Variants in LIFR observed in about 807,000 individuals in gnomAD.
LIFR encodes LIF receptor subunit alpha, also known as leukemia inhibitory factor receptor.
LIFR carries 84 observed loss-of-function variants against 122.2 expected under a neutral mutation model. The observed-to-expected ratio is 0.69, with a 90% CI of 0.58 to 0.82. LIFR has a LOEUF of 0.82. Ranked by LOEUF, LIFR falls within the 40% of genes least tolerant of loss-of-function variation. LIFR has a pLI of 0.00. For synonymous variants in LIFR, 422 were observed against 434.7 expected, an observed-to-expected ratio of 0.97 and a Z score of 0.36; for missense variants, 1,294 against 1,311.6, an observed-to-expected ratio of 0.99 and a Z score of 0.21.
In LIFR at chr5:38,480,631, G is replaced by A. The variant is rs906590598; in HGVS notation, c.*964C>T. The stretch of plus-strand genomic sequence containing the variant: ...ACGGCATGGTCTCCTCAGGAGGAAC[G>A]AAATCCAATCAGAACTATATGGACA... On this transcript the variant is annotated 3_prime_UTR_variant, in exon 20 of 20. Coordinates refer to ENST00000453190, the MANE Select transcript of LIFR (RefSeq NM_001127671.2). 5 of 218,980 alleles carry A rather than the reference G, an allele frequency of 2.3e-5. No individual in the cohort carries two copies. The highest frequency in any genetic ancestry group is 1.1e-4 in the African/African-American group (5 of 44,580). The allele number at this position is 218,980 out of a possible 1,614,324, so 13.6% of individuals were successfully genotyped here. A position where few individuals can be genotyped will look rare whatever the true frequency, so the allele number is the denominator to read the frequency against.
chr5:38,531,209 T>A (rs1746990122), intron 1 of LIFR, among the ~76,000 whole-genome samples: 2 of 152,166 alleles, frequency 1.3e-5, no homozygotes. Context: ...ACATTGGACA[T>A]TTAGGGATCC....
At chr5:38,493,222 T>C (rs915944971) in intron 14 of LIFR, among the ~76,000 whole-genome samples, 9 of 152,228 alleles carry the variant, frequency 5.9e-5, no homozygotes, top group African/African-American at 2.2e-4. Context: ...GTTTTTTTTT[T>C]TCATGAACAT....
At chr5:38,578,173 A>C (rs1203654050) in intron 1 of LIFR, among the ~76,000 whole-genome samples, 1 of 133,276 alleles carries the variant, frequency 7.5e-6, no homozygotes. Context: ...ATATTCTTTT[A>C]TTTTCCTTTT....
At chr5:38,508,763 T>C (rs961153957) in intron 7 of LIFR, among the ~76,000 whole-genome samples, 1 of 151,828 alleles carries the variant, frequency 6.6e-6, no homozygotes, top group Non-Finnish European at 1.5e-5. Context: ...ATTTTCTTTT[T>C]TTAATAGAGA....
upstream of LIFR, among the ~76,000 whole-genome samples, chr5:38,559,979 A>T (rs928195028): frequency 2.6e-5 from 4 of 152,222 alleles, no homozygotes; most frequent in Non-Finnish European, 5.9e-5. Context: ...AAAGTTCTGG[A>T]AATGAAACGC....
At chr5:38,597,717 C>G (rs559123962), upstream of LIFR, among the ~76,000 whole-genome samples, 2 of 152,110 alleles carry the variant, frequency 1.3e-5, no homozygotes, top group East Asian at 3.9e-4. Flanking sequence ...GCTGGAGTGA[C>G]GGAGAGGGAA....
At chr5:38,580,138 G>C (rs1017608631) in intron 1 of LIFR, among the ~76,000 whole-genome samples, 3 of 152,182 alleles carry the variant, frequency 2.0e-5, no homozygotes, top group African/African-American at 7.2e-5. Context: ...TTCTATGAGA[G>C]TCATCATCAG....
chr5:38,573,531 A>G (rs929032582), intron 1 of LIFR, among the ~76,000 whole-genome samples: 1 of 152,210 alleles, frequency 6.6e-6, no homozygotes, highest in African/African-American at 2.4e-5. Flanking sequence ...CTAACTTAAT[A>G]TCAGAGCAAA....
At chr5:38,555,095 G>A (rs1390589044) in intron 1 of LIFR, 1 of 152,208 alleles carries the variant, frequency 6.6e-6, no homozygotes, top group Non-Finnish European at 1.5e-5. Flanking sequence ...TTTAAATTGA[G>A]CTTGCAACTA....
intron 1 of LIFR, among the ~76,000 whole-genome samples, chr5:38,570,155 A>T (rs1302049183): frequency 2.0e-5 from 3 of 151,448 alleles, no homozygotes; most frequent in African/African-American, 4.8e-5. Context: ...CTGTAAAATG[A>T]AGATAATAAT....
At position 38,488,522 on chromosome 5, in the gene LIFR, T is replaced by C. The variant is rs565368061; in HGVS notation, c.2335+556A>G. Among the ~76,000 whole-genome samples, 13 of 152,360 alleles carry C rather than the reference T, an allele frequency of 8.5e-5. 2 individuals are homozygous for C. Among genetic ancestry groups the C allele is most frequent in the African/African-American group, 2.6e-4 (11 of 41,572 alleles). On this transcript the variant is annotated intron_variant, in intron 16 of 19. Coordinates refer to ENST00000453190, the MANE Select transcript of LIFR (RefSeq NM_001127671.2). The stretch of plus-strand genomic sequence containing the variant: ...GCCAGAAATCTGTACAATTTTGTAT[T>C]TGTAAATCTGAGAATTCTCTAAAGT...
At chr5:38,602,129 G>A (rs1750233219) in intron 2 of LIFR, among the ~76,000 whole-genome samples, 1 of 152,010 alleles carries the variant, frequency 6.6e-6, no homozygotes, top group African/African-American at 2.4e-5. Context: ...AGTCACTTGT[G>A]TCCAGTTTCA....
At position 38,479,508 on chromosome 5, in the gene LIFR, T is replaced by A. The variant is rs970660528; in HGVS notation, c.*2087A>T. 1 of 231,098 alleles carries A rather than the reference T, an allele frequency of 4.3e-6. No homozygotes were observed. Among genetic ancestry groups the A allele is most frequent in the Non-Finnish European group, 8.6e-6 (1 of 116,762 alleles). 14.3% of individuals were successfully genotyped at this position (231,098 alleles called of 1,614,324 possible). On this transcript the variant is annotated 3_prime_UTR_variant, in exon 20 of 20. Transcript: ENST00000453190. ...TCCAGATGGTCACAGTTGAAATGCATATATATTGACAGACAGAGATCAAAC... is the reference window on the plus strand; with the variant it reads ...TCCAGATGGTCACAGTTGAAATGCAAATATATTGACAGACAGAGATCAAAC...
upstream of LIFR, among the ~76,000 whole-genome samples, chr5:38,596,866 G>C (rs575654920): frequency 2.0e-4 from 30 of 152,046 alleles, no homozygotes; most frequent in African/African-American, 7.2e-4. Context: ...GCTTCAAAAT[G>C]CAAAATCAGC....
intron 1 of LIFR, among the ~76,000 whole-genome samples, chr5:38,578,201 CTTTTTCTTTTTTTTT>C (rs1243280589): frequency 0.013 from 998 of 76,696 alleles, 15 homozygotes; most frequent in African/African-American, 0.043. Flanking sequence ...TTTTCTTTTT[CTTTTTCTTTTTTTTT>C]TTTTTTTGAG....
chr5:38,481,156 G>A lies in LIFR; in HGVS notation c.*439C>T, dbSNP rs184101529. On this transcript the variant is annotated 3_prime_UTR_variant, in exon 20 of 20. Transcript: ENST00000453190. ...TTCATCTAGAAAGGAGTAAACGTCA[G>A]GCAAATAAACTTCACCTGTTACTTG... 3.7e-6 allele frequency: 1 copy of A among 267,736 alleles called. No individual in the cohort carries two copies. Among genetic ancestry groups the A allele is most frequent in the Admixed American group, 4.8e-5 (1 of 20,896 alleles). The allele number at this position is 267,736 out of a possible 1,614,324, so 16.6% of individuals were successfully genotyped here. A position where few individuals can be genotyped will look rare whatever the true frequency, so the allele number is the denominator to read the frequency against.
intron 1 of LIFR, among the ~76,000 whole-genome samples, chr5:38,575,879 G>A (rs965837642): frequency 2.0e-5 from 3 of 152,082 alleles, no homozygotes; most frequent in Non-Finnish European, 2.9e-5. Flanking sequence ...GGCTCAAGTC[G>A]GTTTAGCTCA....
intron 17 of LIFR, 187 bp downstream of exon 17, chr5:38,485,632 A>C (rs189085994): frequency 3.2e-6 from 2 of 634,502 alleles, no homozygotes; most frequent in Admixed American, 2.8e-5. Flanking sequence ...ATAACTTCAA[A>C]TAACTGACAA....
chr5:38,551,556 C>T (rs1362443150), intron 1 of LIFR, among the ~76,000 whole-genome samples: 2 of 152,216 alleles, frequency 1.3e-5, no homozygotes, highest in African/African-American at 2.4e-5. Context: ...TGCAAGAGGC[C>T]TCAGTATTCC....
Sources: gnomAD v4.1 joint callset for allele counts (sites outside exome capture counted in the v4.1 genomes callset) on GRCh38, gnomAD v4.1.1 for gene constraint, MANE v1.5 for transcripts, NCBI Gene and HGNC (gene_info 2026-07-23, HGNC 2026-07-21) for gene names.